The following UPRT variants were observed in gnomAD, a reference collection of about 807,000 sequenced individuals.
The protein encoded by UPRT is RP11-311P8.3.
Under a neutral mutation model 22.6 loss-of-function variants are expected in UPRT, and 5 were observed. The ratio of observed to expected loss-of-function variants is 0.22; its 90% CI spans 0.12 to 0.47. UPRT has a LOEUF of 0.47. Ranked by LOEUF, UPRT falls within the 20% of genes least tolerant of loss-of-function variation. UPRT has a pLI of 0.99. For synonymous variants in UPRT, 77 were observed against 87.7 expected, an observed-to-expected ratio of 0.88 and a Z score of 0.68; for missense variants, 181 against 239.9, an observed-to-expected ratio of 0.75 and a Z score of 1.62.
At chrX:75,166,796 C>A (rs2082214441) in intron 3 of UPRT, among the ~76,000 whole-genome samples, 1 of 112,027 alleles carries the variant, frequency 8.9e-6, no homozygotes, top group African/African-American at 3.2e-5. Flanking sequence ...GTTACACTTG[C>A]CTTCTTTTAA....
At chrX:75,182,303 G>T (rs770829544) in intron 4 of UPRT, among the ~76,000 whole-genome samples, 157 of 111,675 alleles carry the variant, frequency 1.4e-3, no homozygotes, top group African/African-American at 4.9e-3. Flanking sequence ...CAGGAATATT[G>T]GTCTGAAGTT....
chrX:75,250,471 T>A (rs1306445632), intron 4 of UPRT, among the ~76,000 whole-genome samples: 1 of 111,714 alleles, frequency 9.0e-6, no homozygotes, highest in African/African-American at 3.3e-5. Flanking sequence ...AAGAAATGGA[T>A]AAATTCCTCG....
chrX:75,171,039 A>C (rs767944914), intron 4 of UPRT, among the ~76,000 whole-genome samples: 1 of 111,435 alleles, frequency 9.0e-6, no homozygotes, highest in East Asian at 2.8e-4. Context: ...AAACCTGATG[A>C]TGATGTACCT....
rs193014548 is a variant in UPRT at position 75,302,357 on chromosome X, G to C, written c.824-1048G>C. ...TGGGAATAGAAAAGCACTCTTTTTA[G>C]TTCTAATAGTATACATGAGAATGGT... On this transcript the variant is annotated intron_variant, in intron 6 of 6. Transcript: ENST00000373383. 4.8e-3 allele frequency among the ~76,000 whole-genome samples: 539 copies of C among 111,368 alleles called. 5 individuals are homozygous for C. Among genetic ancestry groups the C allele is most frequent in the Non-Finnish European group, 2.4e-3 (126 of 52,992 alleles).
chrX:75,204,252 T>C (rs892616680), intron 4 of UPRT, among the ~76,000 whole-genome samples: 3 of 111,637 alleles, frequency 2.7e-5, no homozygotes, highest in African/African-American at 9.8e-5. Flanking sequence ...TTAGTTCTGC[T>C]AACAGGGGAA....
intron 4 of UPRT, among the ~76,000 whole-genome samples, chrX:75,189,851 T>A (rs945893550): frequency 1.8e-5 from 2 of 111,967 alleles, no homozygotes; most frequent in African/African-American, 6.5e-5. Flanking sequence ...CTCCATCCCT[T>A]TATTTTGAGC....
intron 4 of UPRT, among the ~76,000 whole-genome samples, chrX:75,219,707 C>G (rs2082404151): frequency 9.0e-6 from 1 of 110,575 alleles, no homozygotes; most frequent in African/African-American, 3.3e-5. Context: ...CACTGGAGCA[C>G]CCAGATATAT....
intron 1 of UPRT, among the ~76,000 whole-genome samples, chrX:75,159,819 C>T (rs2082193822): frequency 1.1e-5 from 1 of 88,912 alleles, no homozygotes; most frequent in Non-Finnish European, 2.1e-5. Flanking sequence ...CTCAGTTGCT[C>T]AGGCTGGAGT....
At chrX:75,169,121 A>G (rs1348010289) in intron 4 of UPRT, among the ~76,000 whole-genome samples, 1 of 111,991 alleles carries the variant, frequency 8.9e-6, no homozygotes, top group East Asian at 2.8e-4. Context: ...GTTCCGTTTT[A>G]TGGTTGAGTA....
chrX:75,265,280 A>C (rs1247612295), intron 4 of UPRT, among the ~76,000 whole-genome samples: 1 of 111,659 alleles, frequency 9.0e-6, no homozygotes, highest in Non-Finnish European at 1.9e-5. Context: ...AGTGTTTTCC[A>C]ACTTGGTTCC....
At chrX:75,185,995 G>T (rs1296478512) in intron 4 of UPRT, among the ~76,000 whole-genome samples, 2 of 52,192 alleles carry the variant, frequency 3.8e-5, no homozygotes, top group Non-Finnish European at 1.4e-4. Flanking sequence ...TTAATTTTTT[G>T]AAGGGTTTTT....
intron 3 of UPRT, among the ~76,000 whole-genome samples, chrX:75,167,024 G>T (rs2082215009): frequency 9.0e-6 from 1 of 111,638 alleles, no homozygotes; most frequent in African/African-American, 3.3e-5. Flanking sequence ...CATCCCTTGG[G>T]TGTACATGTG....
At chrX:75,259,700 G>C (rs1463150035) in intron 4 of UPRT, among the ~76,000 whole-genome samples, 1 of 111,038 alleles carries the variant, frequency 9.0e-6, no homozygotes, top group African/African-American at 3.3e-5. Flanking sequence ...TATTATCCAG[G>C]AGAACTTCCC....
intron 4 of UPRT, among the ~76,000 whole-genome samples, chrX:75,205,994 G>T (rs182113863): frequency 2.9e-3 from 320 of 111,564 alleles, no homozygotes; most frequent in Middle Eastern, 4.7e-3. Flanking sequence ...AGGAGAGTTT[G>T]GTTAGTTGTT....
chrX:75,260,588 C>T (rs974011633), intron 4 of UPRT, among the ~76,000 whole-genome samples: 1 of 111,959 alleles, frequency 8.9e-6, no homozygotes, highest in South Asian at 3.7e-4. Context: ...TACAGGAGCA[C>T]CCAGATTCAT....
intron 4 of UPRT, among the ~76,000 whole-genome samples, chrX:75,184,343 G>T (rs1353132381): frequency 9.1e-6 from 1 of 110,436 alleles, no homozygotes; most frequent in Non-Finnish European, 1.9e-5. Flanking sequence ...TAGATATGCG[G>T]CATTATTTCT....
chrX:75,261,276 A>C (rs982717890), intron 4 of UPRT, among the ~76,000 whole-genome samples: 3 of 111,393 alleles, frequency 2.7e-5, no homozygotes, highest in Non-Finnish European at 5.7e-5. Context: ...AAAGAGATAG[A>C]GATGCAAAAA....
At chrX:75,207,627 A>T (rs1334744176) in intron 4 of UPRT, among the ~76,000 whole-genome samples, 1 of 111,535 alleles carries the variant, frequency 9.0e-6, no homozygotes, top group Non-Finnish European at 1.9e-5. Context: ...AAACGGGATG[A>T]TGGGAGGTAT....
chrX:75,302,001 T>C (rs148197147), intron 6 of UPRT, among the ~76,000 whole-genome samples: 121 of 112,135 alleles, frequency 1.1e-3, no homozygotes, highest in African/African-American at 3.8e-3. Context: ...TTTCAAATGT[T>C]CTACAATGAA....
Sources: allele counts gnomAD v4.1 joint callset (sites outside exome capture counted in the v4.1 genomes callset), GRCh38; gene constraint gnomAD v4.1.1; transcripts MANE v1.5; gene names NCBI Gene and HGNC (gene_info 2026-07-23, HGNC 2026-07-21).